ANKS1B: variants seen among roughly 807,000 people sequenced by gnomAD.
ANKS1B encodes the protein ankyrin repeat and sterile alpha motif domain containing 1B.
Under a neutral mutation model 148.3 loss-of-function variants are expected in ANKS1B, and 36 were observed. That is an observed-to-expected ratio of 0.24 (90% CI 0.19 to 0.32). The LOEUF (loss-of-function observed/expected upper bound fraction) is 0.32. ANKS1B is among the 10% of genes least tolerant of loss of function. ANKS1B has a pLI of 1.00. For synonymous variants in ANKS1B, 542 were observed against 560.8 expected (o/e 0.97, Z 0.47); for missense variants, 1,157 against 1,542.6 (o/e 0.75, Z 4.19).
rs2173793 is a variant in ANKS1B, at chr12:99,655,357, C to A, written c.1129-147G>T. On this transcript the variant is annotated intron_variant, in intron 8 of 26. Transcript: ENST00000683438. Reference sequence around the variant, plus strand: ...CACAGTTACATGGCTGTGCCCTGTGCCTGAGATAAAAATATGTATAGTCCA... The same window carrying A: ...CACAGTTACATGGCTGTGCCCTGTGACTGAGATAAAAATATGTATAGTCCA... 81,604 of 619,034 alleles carry A rather than the reference C, an allele frequency of 0.13. 10,985 individuals carry two copies. Among genetic ancestry groups the A allele is most frequent in the East Asian group, 0.56 (19,205 of 34,498 alleles). The allele number at this position is 619,034 out of a possible 1,614,324, so 38.3% of individuals were successfully genotyped here.
At chr12:98,834,874 C>G (rs1806122443) in intron 17 of ANKS1B, among the ~76,000 whole-genome samples, 1 of 152,072 alleles carries the variant, frequency 6.6e-6, no homozygotes, top group Non-Finnish European at 1.5e-5. Context: ...ATATGATAAC[C>G]TTTTCAAAGG....
At chr12:99,864,105 GA>G (rs2090425446) in intron 1 of ANKS1B, among the ~76,000 whole-genome samples, 2 of 114,972 alleles carry the variant, frequency 1.7e-5, no homozygotes, top group South Asian at 5.4e-4. Flanking sequence ...AAAAAAAGTA[GA>G]ACCCCTCTTT....
intron 8 of ANKS1B, among the ~76,000 whole-genome samples, chr12:99,767,599 T>G (rs1439531581): frequency 6.6e-6 from 1 of 152,106 alleles, no homozygotes. Flanking sequence ...TTTCAGATGA[T>G]TTCACATTCT....
At chr12:99,206,476 CA>C (rs149730620) in intron 14 of ANKS1B, among the ~76,000 whole-genome samples, 5,276 of 149,124 alleles carry the variant, frequency 0.035, 116 homozygotes, top group Non-Finnish European at 0.058. Flanking sequence ...AAAAAGATTT[CA>C]AAAAAAAAAT....
intron 17 of ANKS1B, among the ~76,000 whole-genome samples, chr12:98,847,508 G>T (rs2099487299): frequency 6.6e-6 from 1 of 152,106 alleles, no homozygotes; most frequent in Admixed American, 6.5e-5. Context: ...TTCATCTAAT[G>T]ATGGAAATAC....
At chr12:99,965,265 C>CA (rs886415915) in intron 1 of ANKS1B, among the ~76,000 whole-genome samples, 17 of 149,590 alleles carry the variant, frequency 1.1e-4, no homozygotes, top group Admixed American at 2.7e-4. Context: ...AGGAATGGCT[C>CA]AAAAAAAAAG....
intron 17 of ANKS1B, among the ~76,000 whole-genome samples, chr12:98,905,580 G>C (rs758891508): frequency 6.6e-6 from 1 of 152,044 alleles, no homozygotes; most frequent in African/African-American, 2.4e-5. Context: ...GACCATCCTG[G>C]ACAACATAGC....
chr12:99,077,026 C>A (rs1344445757), intron 16 of ANKS1B, among the ~76,000 whole-genome samples: 1 of 151,644 alleles, frequency 6.6e-6, no homozygotes, highest in Non-Finnish European at 1.5e-5. Context: ...CTGTTTTGCA[C>A]CCCCGGCAAA....
At chr12:98,852,773 C>T (rs2099537769) in intron 17 of ANKS1B, among the ~76,000 whole-genome samples, 1 of 152,054 alleles carries the variant, frequency 6.6e-6, no homozygotes, top group African/African-American at 2.4e-5. Context: ...CATCAAATTG[C>T]CTCCTCCATT....
Position 99,780,004 on chromosome 12 carries a change from C to T in ANKS1B, c.746-32G>A, listed in dbSNP as rs116610822. 399 of 1,428,202 alleles carry T rather than the reference C, an allele frequency of 2.8e-4. 2 individuals carry two copies. In the African/African-American group the frequency reaches 4.3e-3, roughly 15 times the overall value. The allele number at this position is 1,428,202 out of a possible 1,614,324, so 88.5% of individuals were successfully genotyped here. A position where few individuals can be genotyped will look rare whatever the true frequency, so the allele number is the denominator to read the frequency against. Reference sequence around the variant, plus strand: ...GAAAAAGAAAAACTCACTAGATATACACCACTGAAGTATCCTCAAAAGATA... The same window carrying T: ...GAAAAAGAAAAACTCACTAGATATATACCACTGAAGTATCCTCAAAAGATA... On this transcript the variant is annotated intron_variant, in intron 5 of 26. Coordinates refer to ENST00000683438, the MANE Select transcript of ANKS1B (RefSeq NM_001352186.2).
At chr12:99,324,919 C>T (rs777333893) in intron 12 of ANKS1B, among the ~76,000 whole-genome samples, 9 of 152,064 alleles carry the variant, frequency 5.9e-5, no homozygotes, top group Non-Finnish European at 8.8e-5. Flanking sequence ...GGTCATTCAC[C>T]TTTTGGAGAA....
At chr12:99,071,254 T>A (rs1444147156) in intron 16 of ANKS1B, among the ~76,000 whole-genome samples, 3 of 152,230 alleles carry the variant, frequency 2.0e-5, no homozygotes, top group East Asian at 3.8e-4. Flanking sequence ...GGGACATAAG[T>A]AAATGCTCAA....
At chr12:99,443,203 CA>C (rs1191745974) in intron 11 of ANKS1B, among the ~76,000 whole-genome samples, 1 of 151,712 alleles carries the variant, frequency 6.6e-6, no homozygotes, top group African/African-American at 2.4e-5. Flanking sequence ...AAACAAGGAG[CA>C]ATATTAAACG....
intron 17 of ANKS1B, among the ~76,000 whole-genome samples, chr12:98,832,707 C>T (rs1024931882): frequency 6.6e-6 from 1 of 152,130 alleles, no homozygotes; most frequent in African/African-American, 2.4e-5. Flanking sequence ...AGGTCCTCCC[C>T]CGCCTCCTTA....
chr12:99,217,531 T>A (rs2084404724), intron 14 of ANKS1B, among the ~76,000 whole-genome samples: 1 of 152,190 alleles, frequency 6.6e-6, no homozygotes, highest in African/African-American at 2.4e-5. Flanking sequence ...ATACTAATTA[T>A]AACCTTATAT....
At chr12:99,192,992 T>A (rs1422146693) in intron 14 of ANKS1B, among the ~76,000 whole-genome samples, 2 of 152,138 alleles carry the variant, frequency 1.3e-5, no homozygotes, top group Non-Finnish European at 2.9e-5. Flanking sequence ...AAGAGAAAAA[T>A]TTTTAAATTA....
intron 19 of ANKS1B, among the ~76,000 whole-genome samples, chr12:98,821,913 CT>C (rs35654710): frequency 2.3e-3 from 319 of 137,698 alleles, no homozygotes; most frequent in Middle Eastern, 3.7e-3. Context: ...TGGCCTGGGA[CT>C]TTTTTTTTTT....
chr12:99,381,215 G>A (rs144896278), intron 12 of ANKS1B, among the ~76,000 whole-genome samples: 8 of 152,102 alleles, frequency 5.3e-5, no homozygotes, highest in South Asian at 2.1e-4. Flanking sequence ...CCAGTTTGTG[G>A]TACTTTTTGT....
intron 11 of ANKS1B, among the ~76,000 whole-genome samples, chr12:99,441,360 T>A (rs934677936): frequency 4.6e-5 from 7 of 151,806 alleles, no homozygotes; most frequent in African/African-American, 1.7e-4. Context: ...CATCCTCTAG[T>A]CTTCAAATCC....
Sources: gnomAD v4.1 joint callset for allele counts (sites outside exome capture counted in the v4.1 genomes callset) on GRCh38, gnomAD v4.1.1 for gene constraint, MANE v1.5 for transcripts, NCBI Gene and HGNC (gene_info 2026-07-23, HGNC 2026-07-21) for gene names.